Variants in B4GALT6 observed in about 807,000 individuals in gnomAD.
B4GALT6 encodes the protein UDP-Gal:beta-GlcNAc beta-1,4-galactosyltransferase 6.
B4GALT6 carries 14 observed loss-of-function variants against 46.3 expected under a neutral mutation model. The observed-to-expected ratio is 0.30, with a 90% CI of 0.20 to 0.47. The LOEUF is 0.47. Ranked by LOEUF, B4GALT6 falls within the 20% of genes least tolerant of loss-of-function variation. The probability of loss-of-function intolerance (pLI) is 0.99; values close to 1 mark genes in which losing one functional copy is unlikely to be tolerated. For synonymous variants in B4GALT6, 168 were observed against 162.0 expected, an observed-to-expected ratio of 1.04 and a Z score of -0.28; for missense variants, 386 against 480.1, an observed-to-expected ratio of 0.80 and a Z score of 1.83.
At position 31,648,710 on chromosome 18, in the gene B4GALT6, TTTTAC is replaced by T. The variant is rs562961992; in HGVS notation, c.347-3236_347-3232del. On this transcript the variant is annotated intron_variant, in intron 3 of 8. Transcript: ENST00000306851. ...ATGTATCACATGACATGATTTAGGATTTTACTTTTTCTATTAAAATATAATTCTTA... is the reference window on the plus strand; with the variant it reads ...ATGTATCACATGACATGATTTAGGATTTTTTCTATTAAAATATAATTCTTA... Among the ~76,000 whole-genome samples, 41 of 152,346 alleles carry T rather than the reference TTTTAC, an allele frequency of 2.7e-4. 1 individual carries two copies. The South Asian group carries it at 8.5e-3, about 32-fold the overall frequency.
Position 31,626,389 on chromosome 18 carries a change from A to C in B4GALT6, c.900-5T>G. 7.0e-7 allele frequency: 1 copy of C among 1,425,850 alleles called. No individual in the cohort carries two copies. The highest frequency in any genetic ancestry group is 1.2e-5 in the South Asian group (1 of 81,128). 88.3% of individuals were successfully genotyped at this position (1,425,850 alleles called of 1,614,324 possible). ...TTATATCCAGCATAGTGAACTCTAC[A>C]ATGCCATATATGGAAATGAAAATAT... On this transcript the variant is annotated splice_region_variant and splice_polypyrimidine_tract_variant and intron_variant, in intron 7 of 8. Coordinates refer to ENST00000306851, the MANE Select transcript of B4GALT6 (RefSeq NM_004775.5).
At chr18:31,722,948 C>A in the B4GALT6 span, among the ~76,000 whole-genome samples, 1 of 152,130 alleles carries the variant, frequency 6.6e-6, no homozygotes, top group Non-Finnish European at 1.5e-5. Context: ...TAGCCTCTGA[C>A]ATATAAATGA....
intron 1 of B4GALT6, 51 bp from the exon 2 acceptor site, chr18:31,666,423 T>C (rs777977758): frequency 2.3e-6 from 2 of 854,800 alleles, no homozygotes; most frequent in Admixed American, 2.5e-5. Context: ...AGCTTTTTTT[T>C]ATTTAATAAA....
At chr18:31,660,563 G>GAA (rs201604561) in intron 2 of B4GALT6, among the ~76,000 whole-genome samples, 1 of 133,358 alleles carries the variant, frequency 7.5e-6, no homozygotes. Context: ...AGTAAGAAAA[G>GAA]AAAAAAAAAA....
At chr18:31,628,012 G>A (rs2073723452) in intron 6 of B4GALT6, among the ~76,000 whole-genome samples, 2 of 152,346 alleles carry the variant, frequency 1.3e-5, no homozygotes, top group African/African-American at 4.8e-5. Flanking sequence ...TGTCTCAGAG[G>A]AGGGAACTTT....
chr18:31,622,354 T>A lies in B4GALT6; in HGVS notation c.*3260A>T, dbSNP rs1256192615. On this transcript the variant is annotated 3_prime_UTR_variant, in exon 9 of 9. Coordinates refer to ENST00000306851, the MANE Select transcript of B4GALT6 (RefSeq NM_004775.5). ...AAGAAATTACTAGCATTTATTTCAG[T>A]GCATTTATGTAGAAGCCTTTCATCT... is the stretch of plus-strand genomic sequence containing the variant. 3 of 152,100 alleles carry A rather than the reference T, an allele frequency of 2.0e-5. No homozygotes were observed. The highest frequency in any genetic ancestry group is 7.2e-5 in the African/African-American group (3 of 41,460). 9.4% of individuals were successfully genotyped at this position (152,100 alleles called of 1,614,324 possible).
At position 31,645,431 on chromosome 18, in the gene B4GALT6, T is replaced by A. The variant is rs1445185396; in HGVS notation, c.395A>T (p.His132Leu). 1 of 1,613,732 alleles carries A rather than the reference T, an allele frequency of 6.2e-7. No homozygotes were observed. Among genetic ancestry groups the A allele is most frequent in the Non-Finnish European group, 8.5e-7 (1 of 1,179,886 alleles). ...ATCTAAATCCTTGGAGAAGAGTTGA[T>A]GAATTTCATCAAAACTGACTTCGCT... ...NVSEVSFDEI[H>L]QLFSKDLDIE... Residue 132 changes from histidine (H) to leucine (L), a missense_variant, in exon 4 of 9, where the codon CAT (histidine) becomes CTT (leucine). Physicochemically the swap from His to Leu is moderately conservative, Grantham distance 99. This residue lies in a region of B4GALT6 where 323 missense variants were observed against 438.9 expected (regional missense o/e 0.74). Coordinates refer to ENST00000306851, the MANE Select transcript of B4GALT6 (RefSeq NM_004775.5).
intron 5 of B4GALT6, among the ~76,000 whole-genome samples, chr18:31,633,701 T>C (rs541889722): frequency 3.3e-5 from 5 of 152,304 alleles, no homozygotes; most frequent in Non-Finnish European, 5.9e-5. Flanking sequence ...AGTATTCTCC[T>C]GCCTTCTCCA....
At chr18:31,692,494 A>G in the B4GALT6 span, among the ~76,000 whole-genome samples, 48 of 152,304 alleles carry the variant, frequency 3.2e-4, no homozygotes, top group African/African-American at 1.1e-3. Flanking sequence ...TTTGGCTTAC[A>G]ATGTCTTTTA....
chr18:31,637,485 G>A (rs1248396120), intron 5 of B4GALT6, among the ~76,000 whole-genome samples: 1 of 146,788 alleles, frequency 6.8e-6, no homozygotes, highest in Non-Finnish European at 1.5e-5. Flanking sequence ...AAACAGTCAA[G>A]GTTCCTCTAC....
Position 31,625,541 on chromosome 18 carries a change from GACCTCC to G in B4GALT6, c.*67_*72del. 6.5e-7 allele frequency: 1 copy of G among 1,539,182 alleles called. No individual in the cohort carries two copies. The highest frequency in any genetic ancestry group is 8.9e-7 in the Non-Finnish European group (1 of 1,121,424). On this transcript the variant is annotated 3_prime_UTR_variant, in exon 9 of 9. Transcript: ENST00000306851. ...GGGCACTGTGACACAGCCAATCACTGACCTCCACTAAGAGCGCGCTCCAAGTTTATG... is the reference window on the plus strand; with the variant it reads ...GGGCACTGTGACACAGCCAATCACTGACTAAGAGCGCGCTCCAAGTTTATG...
intron 1 of B4GALT6, among the ~76,000 whole-genome samples, chr18:31,673,502 G>T (rs1177735804): frequency 6.6e-6 from 1 of 152,080 alleles, no homozygotes; most frequent in African/African-American, 2.4e-5. Flanking sequence ...GGACACGGGG[G>T]ACAAAGTGGA....
chr18:31,636,844 TAC>T (rs772662581), intron 5 of B4GALT6, among the ~76,000 whole-genome samples: 25 of 152,222 alleles, frequency 1.6e-4, no homozygotes, highest in African/African-American at 1.7e-4. Context: ...TTTTTTGAGA[TAC>T]AGTCTCGCTC....
At chr18:31,699,510 G>GT in the B4GALT6 span, among the ~76,000 whole-genome samples, 1 of 150,078 alleles carries the variant, frequency 6.7e-6, no homozygotes, top group African/African-American at 2.5e-5. Context: ...CTGACCTCAG[G>GT]TGATCTGCCT....
At chr18:31,632,758 CTG>C (rs1199043970) in intron 5 of B4GALT6, among the ~76,000 whole-genome samples, 1 of 152,194 alleles carries the variant, frequency 6.6e-6, no homozygotes, top group African/African-American at 2.4e-5. Context: ...CTTTTGCAAA[CTG>C]GGAATAACTA....
chr18:31,638,915 A>C (rs777527871), intron 4 of B4GALT6, among the ~76,000 whole-genome samples, 155 bp from the exon 5 acceptor site: 12 of 152,210 alleles, frequency 7.9e-5, no homozygotes, highest in Non-Finnish European at 1.8e-4. Flanking sequence ...ACACGCAAAA[A>C]GCCCTTGCTG....
At chr18:31,673,413 T>C (rs531657219) in intron 1 of B4GALT6, among the ~76,000 whole-genome samples, 2 of 152,236 alleles carry the variant, frequency 1.3e-5, no homozygotes, top group African/African-American at 4.8e-5. Flanking sequence ...GCCACAGCTA[T>C]GCTGACACCC....
chr18:31,699,556 G>A, the B4GALT6 span, among the ~76,000 whole-genome samples: 6 of 149,714 alleles, frequency 4.0e-5, no homozygotes, highest in African/African-American at 1.2e-4. Flanking sequence ...TTACAGGCGT[G>A]AGCCACCACG....
chr18:31,692,495 A>G, the B4GALT6 span, among the ~76,000 whole-genome samples: 1 of 152,200 alleles, frequency 6.6e-6, no homozygotes, highest in African/African-American at 2.4e-5. Flanking sequence ...TTGGCTTACA[A>G]TGTCTTTTAT....
Sources: allele counts gnomAD v4.1 joint callset (sites outside exome capture counted in the v4.1 genomes callset), GRCh38; gene constraint gnomAD v4.1.1; regional missense constraint gnomAD v4.1.1; transcripts MANE v1.5; gene names NCBI Gene and HGNC (gene_info 2026-07-23, HGNC 2026-07-21).